NT5DC3: variants seen among roughly 807,000 people sequenced by gnomAD.
The protein encoded by NT5DC3 is 5'-nucleotidase domain containing 3.
In NT5DC3, 42 loss-of-function variants were observed where a neutral mutation model predicts 67.8. The ratio of observed to expected loss-of-function variants is 0.62; its 90% CI spans 0.48 to 0.80. The LOEUF (loss-of-function observed/expected upper bound fraction) is 0.80, where lower values mean the gene tolerates loss of function less well. Ranked by LOEUF, NT5DC3 falls within the 30% of genes least tolerant of loss-of-function variation. The pLI, the probability that NT5DC3 is intolerant of heterozygous loss-of-function variation, is 0.00. For missense variants in NT5DC3, 570 were observed against 696.4 expected (o/e 0.82, Z 2.04); for synonymous variants, 237 against 255.6 (o/e 0.93, Z 0.69).
At chr12:103,758,120 T>C in the NT5DC3 span, 1 of 1,611,424 alleles carries the variant, frequency 6.2e-7, no homozygotes, top group Admixed American at 1.7e-5. Context: ...GCCACCCAGG[T>C]CCCTGCACAC....
At chr12:103,779,278 C>G (rs1885453852) in intron 13 of NT5DC3, among the ~76,000 whole-genome samples, 1 of 152,144 alleles carries the variant, frequency 6.6e-6, no homozygotes, top group Non-Finnish European at 1.5e-5. Context: ...TATCAACATC[C>G]CTATCATACA....
At chr12:103,793,117 A>G in intron 9 of NT5DC3, 47 bp downstream of exon 9, 1 of 1,277,566 alleles carries the variant, frequency 7.8e-7, no homozygotes, top group Non-Finnish European at 1.1e-6. Context: ...ATATATTCAC[A>G]GCAGCAAAGG....
chr12:103,804,638 G>GA (rs1169007152), intron 4 of NT5DC3, among the ~76,000 whole-genome samples: 1 of 152,050 alleles, frequency 6.6e-6, no homozygotes, highest in Non-Finnish European at 1.5e-5. Context: ...GGACTATTTG[G>GA]AAAAAATCAG....
At chr12:103,753,853 G>T in the NT5DC3 span, among the ~76,000 whole-genome samples, 1 of 152,056 alleles carries the variant, frequency 6.6e-6, no homozygotes, top group Non-Finnish European at 1.5e-5. Flanking sequence ...ACAAAACAGT[G>T]GAGTTTCCCT....
rs957497652 is a variant in NT5DC3 at position 103,777,947 on chromosome 12, T to C, written c.1529A>G (p.Tyr510Cys). Residue 510 changes from tyrosine to cysteine, a missense_variant, in exon 14 of 14, where the codon TAT becomes TGT. Physicochemically the swap from Tyr to Cys is radical, Grantham distance 194. Around this residue, in one of 2 missense-constraint regions of NT5DC3, gnomAD observed 466 missense variants for 608.0 expected, o/e 0.77. Transcript: ENST00000392876. ...YMASLSCLLN[Y>C]DVSHTFYPRR... ...GGGGTAGAAAGTGTGGCTGACGTCA[T>C]AGTTCAGGAGGCAGCTCAGAGACGC... 6.8e-6 allele frequency: 11 copies of C among 1,614,050 alleles called. No individual in the cohort carries two copies. Among genetic ancestry groups the C allele is most frequent in the Non-Finnish European group, 9.3e-6 (11 of 1,180,050 alleles).
At chr12:103,791,386 C>G (rs74625467) in intron 9 of NT5DC3, among the ~76,000 whole-genome samples, 1 of 152,192 alleles carries the variant, frequency 6.6e-6, no homozygotes, top group Non-Finnish European at 1.5e-5. Context: ...CAACCTCCCC[C>G]ACTTCTTCCT....
At chr12:103,791,797 G>T (rs555532660) in intron 9 of NT5DC3, among the ~76,000 whole-genome samples, 1 of 152,186 alleles carries the variant, frequency 6.6e-6, no homozygotes, top group South Asian at 2.1e-4. Context: ...TCAAAGGAGC[G>T]GAACCCTATC....
chr12:103,760,260 G>A, the NT5DC3 span, among the ~76,000 whole-genome samples: 3 of 152,082 alleles, frequency 2.0e-5, no homozygotes, highest in African/African-American at 7.2e-5. Flanking sequence ...TGTGTGGGGG[G>A]TGGTTTTTTG....
the NT5DC3 span, among the ~76,000 whole-genome samples, chr12:103,749,991 G>A: frequency 6.6e-6 from 1 of 152,066 alleles, no homozygotes; most frequent in South Asian, 2.1e-4. Flanking sequence ...GGACTGACAA[G>A]CTGTGTGACC....
At chr12:103,778,170 T>TAA (rs71098000) in intron 13 of NT5DC3, 89 bp from the exon 14 acceptor site, 72 of 1,174,062 alleles carry the variant, frequency 6.1e-5, no homozygotes, top group African/African-American at 1.3e-4. Context: ...CTTCTTTTTT[T>TAA]AAAAAAAAAA....
intron 1 of NT5DC3, 121 bp from the exon 2 acceptor site, chr12:103,815,242 CTGG>C (rs1887199915): frequency 1.6e-6 from 1 of 630,638 alleles, no homozygotes; most frequent in Non-Finnish European, 2.6e-6. Flanking sequence ...TGAAAATATG[CTGG>C]TGAAGGAAGC....
At position 103,773,711 on chromosome 12, in the gene NT5DC3, G is replaced by A. The variant is rs1566094347; in HGVS notation, c.*4118C>T. 6.6e-6 allele frequency: 1 copy of A among 152,228 alleles called. No individual in the cohort carries two copies. The highest frequency in any genetic ancestry group is 6.5e-5 in the Admixed American group (1 of 15,288). The allele number at this position is 152,228 out of a possible 1,614,324, so 9.4% of individuals were successfully genotyped here. A position where few individuals can be genotyped will look rare whatever the true frequency, so the allele number is the denominator to read the frequency against. On this transcript the variant is annotated 3_prime_UTR_variant, in exon 14 of 14. Transcript: ENST00000392876. ...CCAAGTGGTCTTTGGCAGCAAATGA[G>A]CAGGCAGAAAAGTGGAATTCAGTTC... is the stretch of plus-strand genomic sequence containing the variant.
At chr12:103,807,037 A>C in intron 2 of NT5DC3, 108 bp from the exon 3 acceptor site, 1 of 682,642 alleles carries the variant, frequency 1.5e-6, no homozygotes, top group South Asian at 1.6e-5. Context: ...CACCAGTGGG[A>C]GGTTGGGGTC....
chr12:103,805,981 C>A (rs922020147), intron 4 of NT5DC3, among the ~76,000 whole-genome samples: 7 of 152,072 alleles, frequency 4.6e-5, no homozygotes, highest in South Asian at 4.1e-4. Flanking sequence ...CCTCAGCTTG[C>A]CAGCCAGCAT....
rs138348688 is a variant in NT5DC3 at position 103,794,511 on chromosome 12, G to C, written c.754-514C>G. Among the ~76,000 whole-genome samples the C allele has an allele frequency of 5.5e-3, 835 of 152,282 alleles. 8 individuals carry two copies. The highest frequency in any genetic ancestry group is 6.8e-3 in the Non-Finnish European group (464 of 68,016). ...AGCCAAAGTTTCCATGGTGATGGTG[G>C]CAATTTCCAATGCAATTTTCAAAAG... On this transcript the variant is annotated intron_variant, in intron 6 of 13. Coordinates refer to ENST00000392876, the MANE Select transcript of NT5DC3 (RefSeq NM_001031701.3).
chr12:103,837,324 T>G (rs1888193731), intron 1 of NT5DC3, among the ~76,000 whole-genome samples: 1 of 152,240 alleles, frequency 6.6e-6, no homozygotes, highest in Non-Finnish European at 1.5e-5. Flanking sequence ...AAGACTGCCA[T>G]GAAGGTCTCT....
chr12:103,809,044 G>A (rs1230912662), intron 2 of NT5DC3, among the ~76,000 whole-genome samples: 1 of 152,190 alleles, frequency 6.6e-6, no homozygotes, highest in African/African-American at 2.4e-5. Flanking sequence ...CTAGATAGTG[G>A]TTGAGCCAGT....
At chr12:103,825,077 C>A (rs1159153957) in intron 1 of NT5DC3, among the ~76,000 whole-genome samples, 1 of 152,076 alleles carries the variant, frequency 6.6e-6, no homozygotes, top group East Asian at 1.9e-4. Context: ...CTGGGCATGC[C>A]CCCCCGGGAA....
chr12:103,793,334 C>T, intron 8 of NT5DC3, 69 bp from the exon 9 acceptor site: 5 of 1,564,694 alleles, frequency 3.2e-6, no homozygotes, highest in Admixed American at 3.4e-5. Flanking sequence ...CTTTTTCTTT[C>T]CAATTTCCAG....
Sources: allele counts gnomAD v4.1 joint callset (sites outside exome capture counted in the v4.1 genomes callset), GRCh38; gene constraint gnomAD v4.1.1; regional missense constraint gnomAD v4.1.1; transcripts MANE v1.5; gene names NCBI Gene and HGNC (gene_info 2026-07-23, HGNC 2026-07-21).